Variants in TMEM132C observed in about 807,000 individuals in gnomAD.
TMEM132C encodes protein phosphatase 1, regulatory subunit 152.
TMEM132C carries 29 observed loss-of-function variants against 61.4 expected under a neutral mutation model. That is an observed-to-expected ratio of 0.47 (90% CI 0.35 to 0.64). TMEM132C has a LOEUF of 0.64. Ranked by LOEUF, TMEM132C falls within the 30% of genes least tolerant of loss-of-function variation. The pLI is 0.00. For missense variants in TMEM132C, 1,408 were observed against 1,476.9 expected (o/e 0.95, Z 0.76); for synonymous variants, 656 against 633.1 (o/e 1.04, Z -0.54).
At chr12:128,382,174 G>A (rs371412419) in intron 1 of TMEM132C, among the ~76,000 whole-genome samples, 2 of 152,212 alleles carry the variant, frequency 1.3e-5, no homozygotes, top group South Asian at 4.1e-4. Flanking sequence ...ATTGTTCTGA[G>A]CTTGGCACGA....
At chr12:128,349,445 C>G (rs760167478) in intron 1 of TMEM132C, among the ~76,000 whole-genome samples, 1 of 152,200 alleles carries the variant, frequency 6.6e-6, no homozygotes, top group African/African-American at 2.4e-5. Context: ...CTAAAGCTTT[C>G]TTTCTAAAGT....
At chr12:128,638,335 A>G (rs1327222144) in intron 4 of TMEM132C, among the ~76,000 whole-genome samples, 1 of 152,226 alleles carries the variant, frequency 6.6e-6, no homozygotes, top group Non-Finnish European at 1.5e-5. Flanking sequence ...ACCTAACCAG[A>G]GGAAGTCAGA....
intron 5 of TMEM132C, among the ~76,000 whole-genome samples, chr12:128,687,008 C>A (rs915842108): frequency 6.6e-6 from 1 of 151,818 alleles, no homozygotes; most frequent in Non-Finnish European, 1.5e-5. Flanking sequence ...ACCAGCCTGG[C>A]CAACACGGTG....
chr12:128,474,914 G>T lies in TMEM132C; in HGVS notation c.974+59294G>T, dbSNP rs1297965304. On this transcript the variant is annotated intron_variant, in intron 2 of 8. Coordinates refer to ENST00000435159, the MANE Select transcript of TMEM132C (RefSeq NM_001136103.3). ...CATCTGTGTCTCGGTTTTTCTGTATGTGACCAGTTATCAGACATTCCCGAC... is the reference window on the plus strand; with the variant it reads ...CATCTGTGTCTCGGTTTTTCTGTATTTGACCAGTTATCAGACATTCCCGAC... Among the ~76,000 whole-genome samples the T allele has an allele frequency of 7.2e-5, 11 of 152,156 alleles. No individual in the cohort carries two copies. In the East Asian group the frequency reaches 1.7e-3, roughly 24 times the overall value.
At chr12:128,330,585 T>C (rs1211548) in intron 1 of TMEM132C, among the ~76,000 whole-genome samples, 12,463 of 152,192 alleles carry the variant, frequency 0.082, 985 homozygotes, top group African/African-American at 0.21. Flanking sequence ...TATCATTTAA[T>C]AGATTGATTT....
At chr12:128,344,607 A>G (rs528701119) in intron 1 of TMEM132C, among the ~76,000 whole-genome samples, 5 of 152,206 alleles carry the variant, frequency 3.3e-5, no homozygotes, top group African/African-American at 9.6e-5. Context: ...GAGATGTCCA[A>G]TTTCTCTGCA....
intron 1 of TMEM132C, among the ~76,000 whole-genome samples, chr12:128,391,536 C>T (rs61939977): frequency 6.6e-5 from 10 of 152,188 alleles, no homozygotes; most frequent in Admixed American, 6.5e-4. Context: ...GTGAGGGAAC[C>T]ATCCTAGTTA....
intron 2 of TMEM132C, among the ~76,000 whole-genome samples, chr12:128,441,471 C>T (rs1434882898): frequency 2.0e-5 from 3 of 152,332 alleles, no homozygotes; most frequent in Middle Eastern, 3.4e-3. Flanking sequence ...AAATCTGCAG[C>T]TTTGGCTGAA....
intron 1 of TMEM132C, among the ~76,000 whole-genome samples, chr12:128,317,328 C>G (rs1348966967): frequency 6.6e-6 from 1 of 152,086 alleles, no homozygotes; most frequent in Non-Finnish European, 1.5e-5. Context: ...CAGCTGATAA[C>G]ACGTTTATCT....
intron 2 of TMEM132C, among the ~76,000 whole-genome samples, chr12:128,460,487 T>G (rs1870495801): frequency 6.6e-6 from 1 of 152,128 alleles, no homozygotes; most frequent in Non-Finnish European, 1.5e-5. Context: ...CTGAACCAAT[T>G]CCTGTGAATG....
intron 4 of TMEM132C, among the ~76,000 whole-genome samples, chr12:128,627,621 G>A (rs1437924556): frequency 1.3e-5 from 2 of 152,144 alleles, no homozygotes; most frequent in East Asian, 3.9e-4. Context: ...CCAAGCACCG[G>A]CACCCCAGGC....
In TMEM132C at chr12:128,415,076, C is replaced by T. The variant is rs769440363; in HGVS notation, c.430C>T (p.Arg144Trp). The change falls in exon 2 of 9, where the codon CGG (arginine) becomes TGG (tryptophan). Residue 144 changes from arginine (R) to tryptophan (W), a missense_variant. Transcript: ENST00000435159. This position sits in a 1 kb window ranked among gnomAD's most constrained non-coding sequence, Gnocchi z 5.8. ...CCTGCGGGACAAAGTCTACCTGAGC[C>T]GGCCCAAAGTGCAGGTTCTTTTCCA... ...HILRDKVYLS[R>W]PKVQVLFHIM... 7.1e-5 allele frequency: 113 copies of T among 1,601,884 alleles called. No homozygotes were observed. The highest frequency in any genetic ancestry group is 1.6e-4 in the Middle Eastern group (1 of 6,070).
At chr12:128,483,786 C>G (rs1055739877) in intron 2 of TMEM132C, among the ~76,000 whole-genome samples, 2 of 151,972 alleles carry the variant, frequency 1.3e-5, no homozygotes, top group Admixed American at 1.3e-4. Context: ...TATACAAGTA[C>G]AACGTATTTC....
chr12:128,594,353 C>A (rs999078953), intron 3 of TMEM132C, among the ~76,000 whole-genome samples: 4 of 151,742 alleles, frequency 2.6e-5, no homozygotes, highest in Non-Finnish European at 5.9e-5. Context: ...ACTCTCCCCC[C>A]ATCCCCTGCC....
At chr12:128,521,319 A>ATATGTGTGTG (rs1052490746) in intron 2 of TMEM132C, among the ~76,000 whole-genome samples, 1 of 21,578 alleles carries the variant, frequency 4.6e-5, no homozygotes, top group African/African-American at 7.3e-5. Flanking sequence ...ATATATATAT[A>ATATGTGTGTG]TGTGTGTGTG....
At chr12:128,603,154 G>T (rs961531548) in intron 3 of TMEM132C, among the ~76,000 whole-genome samples, 2 of 152,112 alleles carry the variant, frequency 1.3e-5, no homozygotes, top group African/African-American at 4.8e-5. Context: ...CACGGAGAGA[G>T]TGAAAAAAGC....
At chr12:128,472,779 T>C (rs1870995105) in intron 2 of TMEM132C, among the ~76,000 whole-genome samples, 1 of 152,208 alleles carries the variant, frequency 6.6e-6, no homozygotes, top group East Asian at 1.9e-4. Context: ...CTCCTTTGCC[T>C]GGGAACAGTG....
chr12:128,363,419 A>C (rs769120174), intron 1 of TMEM132C, among the ~76,000 whole-genome samples: 1 of 152,140 alleles, frequency 6.6e-6, no homozygotes, highest in African/African-American at 2.4e-5. Flanking sequence ...TGCACAATCT[A>C]TGTAACCGGC....
chr12:128,449,040 G>A (rs1285350045), intron 2 of TMEM132C, among the ~76,000 whole-genome samples: 2 of 146,736 alleles, frequency 1.4e-5, no homozygotes, highest in African/African-American at 5.1e-5. Context: ...GGGAGGCTGA[G>A]ACAGGAGAAC....
Sources: gnomAD v4.1 joint callset for allele counts (sites outside exome capture counted in the v4.1 genomes callset) on GRCh38, gnomAD v4.1.1 for gene constraint, Gnocchi (gnomAD v3.1) non-coding constraint, MANE v1.5 for transcripts, NCBI Gene and HGNC (gene_info 2026-07-23, HGNC 2026-07-21) for gene names.